ARL13B: variants seen among roughly 807,000 people sequenced by gnomAD.
ARL13B encodes the protein ADP-ribosylation factor-like protein 13B.
A neutral mutation model predicts 56.1 loss-of-function variants in ARL13B; 36 were observed. The observed-to-expected ratio is 0.64, with a 90% confidence interval of 0.49 to 0.85. The LOEUF (loss-of-function observed/expected upper bound fraction) is 0.85. Among genes scored for constraint, ARL13B ranks in the 40% least tolerant of loss-of-function variants. The pLI, the probability that ARL13B is intolerant of heterozygous loss-of-function variation, is 0.00. For synonymous variants in ARL13B, 178 were observed against 171.1 expected (o/e 1.04, Z -0.32); for missense variants, 519 against 507.1 (o/e 1.02, Z -0.23).
intron 7 of ARL13B, 115 bp from the exon 8 acceptor site, chr3:94,049,291 A>G (rs1369682087): frequency 1.7e-6 from 1 of 588,256 alleles, no homozygotes; most frequent in East Asian, 2.9e-5. Flanking sequence ...CCAAAGTTAA[A>G]TAGTCAAGAT....
At position 94,035,443 on chromosome 3, in the gene ARL13B, T is replaced by A. The variant is rs2076750657; in HGVS notation, c.486+7T>A. ...CAAGTGCCTGTGTCAGATAGTAAGG[T>A]TTTTTTTTTTTTTTTAATTTTAATT... is the stretch of plus-strand genomic sequence containing the variant. On this transcript the variant is annotated splice_region_variant and intron_variant, in intron 4 of 9. Coordinates refer to ENST00000394222, the MANE Select transcript of ARL13B (RefSeq NM_001174150.2). 4 of 510,448 alleles carry A rather than the reference T, an allele frequency of 7.8e-6. No individual in the cohort carries two copies. The South Asian group carries it at 1.2e-4, about 15-fold the overall frequency. 31.6% of individuals were successfully genotyped at this position (510,448 alleles called of 1,614,324 possible).
intron 3 of ARL13B, among the ~76,000 whole-genome samples, chr3:94,030,499 T>C (rs1359277069): frequency 6.6e-6 from 1 of 151,574 alleles, no homozygotes; most frequent in African/African-American, 2.4e-5. Flanking sequence ...CCCAGAGTGC[T>C]GAGATTACAG....
intron 7 of ARL13B, 70 bp from the exon 8 acceptor site, chr3:94,049,336 T>G: frequency 1.1e-6 from 1 of 886,648 alleles, no homozygotes; most frequent in East Asian, 2.5e-5. Flanking sequence ...TCTTGTTGTA[T>G]TCTTTGTTTT....
chr3:94,016,709 C>T (rs958338957), intron 3 of ARL13B, among the ~76,000 whole-genome samples: 2 of 148,894 alleles, frequency 1.3e-5, no homozygotes, highest in Admixed American at 6.8e-5. Flanking sequence ...TGCAGTGGTG[C>T]GACCTCAGCT....
At chr3:94,029,338 A>ATTTT (rs1272624458) in intron 3 of ARL13B, among the ~76,000 whole-genome samples, 21 of 59,014 alleles carry the variant, frequency 3.6e-4, no homozygotes, top group Admixed American at 6.3e-4. Flanking sequence ...ATATATATTT[A>ATTTT]TTTTTTTTTT....
At chr3:93,988,455 A>G (rs1710575730) in intron 1 of ARL13B, among the ~76,000 whole-genome samples, 1 of 152,180 alleles carries the variant, frequency 6.6e-6, no homozygotes. Flanking sequence ...AAAATAAACA[A>G]CCAGAGAATT....
At chr3:94,052,166 T>G (rs1441603501) in intron 9 of ARL13B, among the ~76,000 whole-genome samples, 1 of 152,188 alleles carries the variant, frequency 6.6e-6, no homozygotes, top group Non-Finnish European at 1.5e-5. Context: ...TATATTTATA[T>G]GTACACACAT....
intron 3 of ARL13B, chr3:94,014,852 T>C: frequency 6.2e-7 from 1 of 1,614,108 alleles, no homozygotes; most frequent in African/African-American, 1.3e-5. Context: ...TGGCGGAACA[T>C]TGCAGCATGC....
At chr3:94,047,916 ATTTT>A (rs937983897) in intron 7 of ARL13B, 1 of 151,880 alleles carries the variant, frequency 6.6e-6, no homozygotes, top group African/African-American at 2.4e-5. Flanking sequence ...GTGTGATTGT[ATTTT>A]TTATTGCTTT....
intron 1 of ARL13B, among the ~76,000 whole-genome samples, chr3:93,987,613 A>G (rs951704410): frequency 4.6e-5 from 7 of 152,102 alleles, no homozygotes; most frequent in Non-Finnish European, 8.8e-5. Context: ...AATTGTACAC[A>G]ATTCTTAACA....
At chr3:94,036,831 T>G (rs543942572) in intron 5 of ARL13B, 77 bp downstream of exon 5, 1 of 1,466,508 alleles carries the variant, frequency 6.8e-7, no homozygotes, top group African/African-American at 1.4e-5. Flanking sequence ...GTTGTTAGTT[T>G]TATCTGTTCA....
intron 1 of ARL13B, among the ~76,000 whole-genome samples, chr3:93,987,702 G>A (rs1320523622): frequency 6.6e-6 from 1 of 152,152 alleles, no homozygotes; most frequent in Non-Finnish European, 1.5e-5. Flanking sequence ...AGGCTGGAGT[G>A]CAGAGGAGTG....
chr3:93,997,939 T>G (rs1258751462), intron 2 of ARL13B, among the ~76,000 whole-genome samples: 1 of 152,104 alleles, frequency 6.6e-6, no homozygotes, highest in Non-Finnish European at 1.5e-5. Context: ...TGAGCTGGGA[T>G]TGCGCCACTG....
intron 3 of ARL13B, among the ~76,000 whole-genome samples, chr3:94,025,987 G>A (rs1367763157): frequency 6.7e-6 from 1 of 149,526 alleles, no homozygotes; most frequent in African/African-American, 2.5e-5. Flanking sequence ...CTTTAAGTAT[G>A]TTTCCTCATC....
chr3:93,996,717 T>C, intron 2 of ARL13B: 1 of 360,302 alleles, frequency 2.8e-6, no homozygotes. Context: ...TGCTACAATA[T>C]AGCAGTATCT....
intron 3 of ARL13B, among the ~76,000 whole-genome samples, chr3:94,027,163 G>A (rs951698587): frequency 6.6e-6 from 1 of 151,974 alleles, no homozygotes; most frequent in African/African-American, 2.4e-5. Flanking sequence ...AGAGAAAACA[G>A]AATATTCTGT....
chr3:94,049,877 G>A (rs1455706410), intron 8 of ARL13B, among the ~76,000 whole-genome samples: 1 of 151,706 alleles, frequency 6.6e-6, no homozygotes, highest in Non-Finnish European at 1.5e-5. Flanking sequence ...AACCGGCTCG[G>A]CATGGTGGCT....
intron 5 of ARL13B, 91 bp from the exon 6 acceptor site, chr3:94,039,789 C>A: frequency 9.6e-7 from 1 of 1,037,534 alleles, no homozygotes; most frequent in Non-Finnish European, 1.4e-6. Context: ...TAAATTACTA[C>A]ATGTAATAGC....
At chr3:94,040,527 G>A (rs895571050) in intron 6 of ARL13B, among the ~76,000 whole-genome samples, 15 of 152,056 alleles carry the variant, frequency 9.9e-5, no homozygotes, top group Non-Finnish European at 4.4e-5. Flanking sequence ...TTATGAAGAC[G>A]TTAAGGGGTT....
Sources: gnomAD v4.1 joint callset for allele counts (sites outside exome capture counted in the v4.1 genomes callset) on GRCh38, gnomAD v4.1.1 for gene constraint, MANE v1.5 for transcripts, NCBI Gene and HGNC (gene_info 2026-07-23, HGNC 2026-07-21) for gene names.